SYN3: variants seen among roughly 807,000 people sequenced by gnomAD.
The protein encoded by SYN3 is synapsin-3.
A neutral mutation model predicts 65.8 loss-of-function variants in SYN3; 35 were observed. That is an observed-to-expected ratio of 0.53 (90% CI 0.41 to 0.70). The LOEUF is 0.70. Among genes scored for constraint, SYN3 ranks in the 30% least tolerant of loss-of-function variants. SYN3 has a pLI of 0.00. For missense variants in SYN3, 680 were observed against 749.0 expected (o/e 0.91, Z 1.08); for synonymous variants, 270 against 292.9 (o/e 0.92, Z 0.80).
chr22:32,586,950 G>C (rs2059053463), intron 7 of SYN3, among the ~76,000 whole-genome samples: 1 of 152,180 alleles, frequency 6.6e-6, no homozygotes, highest in Non-Finnish European at 1.5e-5. Flanking sequence ...TACGCCGGGA[G>C]CGGTGGCTCA....
intron 6 of SYN3, among the ~76,000 whole-genome samples, chr22:32,736,182 C>A (rs2061335021): frequency 6.6e-6 from 1 of 152,202 alleles, no homozygotes; most frequent in African/African-American, 2.4e-5. Flanking sequence ...CTAATGGATA[C>A]ACATATGGGA....
intron 2 of SYN3, among the ~76,000 whole-genome samples, chr22:32,984,906 C>G (rs916104309): frequency 3.3e-5 from 5 of 152,178 alleles, no homozygotes; most frequent in Non-Finnish European, 7.3e-5. Context: ...TGTTCTAAGA[C>G]AAGACACTTA....
chr22:32,628,502 G>A (rs2059701114), intron 6 of SYN3, among the ~76,000 whole-genome samples: 1 of 152,144 alleles, frequency 6.6e-6, no homozygotes, highest in Non-Finnish European at 1.5e-5. Flanking sequence ...CAGCCCCAAA[G>A]AGGCTGGGCC....
chr22:32,937,613 T>C (rs148302353), intron 3 of SYN3, among the ~76,000 whole-genome samples: 7 of 152,232 alleles, frequency 4.6e-5, no homozygotes, highest in Non-Finnish European at 8.8e-5. Context: ...GTGAGAACTC[T>C]ATAATGAGGA....
intron 3 of SYN3, among the ~76,000 whole-genome samples, chr22:32,978,410 G>A (rs769796490): frequency 2.0e-5 from 3 of 152,100 alleles, no homozygotes; most frequent in Non-Finnish European, 4.4e-5. Flanking sequence ...GGAGTAGGGT[G>A]GGCGCAGGGG....
At chr22:32,645,781 C>G (rs1547412) in intron 6 of SYN3, among the ~76,000 whole-genome samples, 2 of 151,590 alleles carry the variant, frequency 1.3e-5, no homozygotes, top group African/African-American at 2.4e-5. Context: ...TAGGAGACAA[C>G]AGATTTGGGA....
At chr22:32,862,190 C>G (rs2048562262) in intron 6 of SYN3, 3 of 152,244 alleles carry the variant, frequency 2.0e-5, no homozygotes, top group African/African-American at 7.2e-5. Context: ...GCTGCCCATC[C>G]AGTTGGGAAG....
At chr22:33,000,008 G>C (rs996134315) in intron 2 of SYN3, among the ~76,000 whole-genome samples, 2 of 152,220 alleles carry the variant, frequency 1.3e-5, no homozygotes, top group South Asian at 2.1e-4. Flanking sequence ...AGTGGCAGTG[G>C]GGCTGAAGAG....
chr22:32,729,990 C>T (rs1381357245), intron 6 of SYN3, among the ~76,000 whole-genome samples: 1 of 152,154 alleles, frequency 6.6e-6, no homozygotes, highest in Non-Finnish European at 1.5e-5. Context: ...TTCTATAATA[C>T]TACTACTAAT....
intron 3 of SYN3, among the ~76,000 whole-genome samples, chr22:32,957,333 C>T (rs942068972): frequency 6.6e-6 from 1 of 152,198 alleles, no homozygotes; most frequent in African/African-American, 2.4e-5. Flanking sequence ...CAGACTCGTG[C>T]TCTCTGGGAA....
intron 1 of SYN3, among the ~76,000 whole-genome samples, chr22:33,020,465 C>G (rs2053541648): frequency 6.6e-6 from 1 of 152,048 alleles, no homozygotes; most frequent in Non-Finnish European, 1.5e-5. Context: ...GATGCCCAGC[C>G]CAGAGTACCA....
At chr22:32,599,324 C>CTT (rs58109238) in intron 6 of SYN3, among the ~76,000 whole-genome samples, 2 of 144,024 alleles carry the variant, frequency 1.4e-5, no homozygotes, top group Admixed American at 7.0e-5. Context: ...CCCTGATGTA[C>CTT]TTTTTTTTTT....
At chr22:32,549,853 T>C (rs9609593) in intron 7 of SYN3, among the ~76,000 whole-genome samples, 7,958 of 148,520 alleles carry the variant, frequency 0.054, 292 homozygotes, top group South Asian at 0.099. Context: ...TGCACCGTTG[T>C]ACTCCAGCCT....
intron 6 of SYN3, among the ~76,000 whole-genome samples, chr22:32,731,712 C>T (rs1172447100): frequency 6.6e-6 from 1 of 152,196 alleles, no homozygotes; most frequent in Non-Finnish European, 1.5e-5. Context: ...GACTTGTGGG[C>T]TAAATCCTCC....
chr22:32,644,323 G>A (rs926826727), intron 6 of SYN3, among the ~76,000 whole-genome samples: 2 of 152,102 alleles, frequency 1.3e-5, no homozygotes, highest in South Asian at 2.1e-4. Flanking sequence ...GTACATTCAG[G>A]GTTGGAGGCT....
chr22:32,774,481 C>T (rs1390948021), intron 6 of SYN3, among the ~76,000 whole-genome samples: 2 of 152,108 alleles, frequency 1.3e-5, no homozygotes, highest in Non-Finnish European at 1.5e-5. Context: ...GAGATGAAGC[C>T]CTGTCCACAC....
chr22:32,683,669 T>C (rs1320539915), intron 6 of SYN3, among the ~76,000 whole-genome samples: 1 of 152,184 alleles, frequency 6.6e-6, no homozygotes, highest in Non-Finnish European at 1.5e-5. Context: ...GGCCGTCTTC[T>C]ATAAGGACAA....
chr22:32,685,115 A>C (rs1174907047), intron 6 of SYN3, among the ~76,000 whole-genome samples: 1 of 152,192 alleles, frequency 6.6e-6, no homozygotes, highest in Non-Finnish European at 1.5e-5. Flanking sequence ...GGCAAGCAGA[A>C]AAGTAACATT....
At position 32,884,254 on chromosome 22, in the gene SYN3, C is replaced by T. The variant is rs932328242; in HGVS notation, c.462-15129G>A. 2.6e-5 allele frequency among the ~76,000 whole-genome samples: 4 copies of T among 152,212 alleles called. No homozygotes were observed. The East Asian group carries it at 7.7e-4, about 29-fold the overall frequency. ...GGTTAAGGCCAACACTGGCTAAGCA[C>T]ACAAGAGCTCATTTAATTCTTCCAA... On this transcript the variant is annotated intron_variant, in intron 4 of 13. Coordinates refer to ENST00000358763, the MANE Select transcript of SYN3 (RefSeq NM_003490.4).
Sources: gnomAD v4.1 joint callset for allele counts (sites outside exome capture counted in the v4.1 genomes callset) on GRCh38, gnomAD v4.1.1 for gene constraint, MANE v1.5 for transcripts, NCBI Gene and HGNC (gene_info 2026-07-23, HGNC 2026-07-21) for gene names.